TSPAN5: variants seen among roughly 807,000 people sequenced by gnomAD.
TSPAN5 encodes the protein tetraspanin-5.
In TSPAN5, 10 loss-of-function variants were observed where a neutral mutation model predicts 37.1. That is an observed-to-expected ratio of 0.27 (90% CI 0.17 to 0.46). TSPAN5 has a LOEUF of 0.46. Among genes scored for constraint, TSPAN5 ranks in the 20% least tolerant of loss-of-function variants. TSPAN5 has a pLI of 1.00. For missense variants in TSPAN5, 195 were observed against 326.6 expected (o/e 0.60, Z 3.11); for synonymous variants, 110 against 118.9 (o/e 0.93, Z 0.48).
chr4:98,521,489 C>T (rs1455430821), intron 1 of TSPAN5, among the ~76,000 whole-genome samples: 1 of 152,226 alleles, frequency 6.6e-6, no homozygotes, highest in Non-Finnish European at 1.5e-5. Context: ...CCTCTGGTTC[C>T]TGGCATTGCT....
In TSPAN5 at chr4:98,621,205, C is replaced by T. The variant is rs535804793; in HGVS notation, c.81+36941G>A. 2.0e-5 allele frequency among the ~76,000 whole-genome samples: 3 copies of T among 152,120 alleles called. No individual in the cohort carries two copies. The East Asian group carries it at 5.8e-4, about 30-fold the overall frequency. On this transcript the variant is annotated intron_variant, in intron 1 of 7. Transcript: ENST00000305798. ...ACCACTATAAGCTAGGGGAGAGCCA[C>T]GGAGCTGATTCTCCCTACAACCATC...
intron 1 of TSPAN5, chr4:98,509,908 A>G (rs367996675): frequency 2.0e-5 from 3 of 152,216 alleles, no homozygotes; most frequent in African/African-American, 7.2e-5. Context: ...ACCCATTGAC[A>G]TCAAACACAA....
chr4:98,547,925 A>T (rs1364920288), intron 1 of TSPAN5, among the ~76,000 whole-genome samples: 1 of 150,140 alleles, frequency 6.7e-6, no homozygotes, highest in African/African-American at 2.5e-5. Flanking sequence ...GAATCCCTTG[A>T]ACCCTGGAGG....
At chr4:98,618,035 A>G (rs1481581663) in intron 1 of TSPAN5, among the ~76,000 whole-genome samples, 1 of 152,218 alleles carries the variant, frequency 6.6e-6, no homozygotes, top group Non-Finnish European at 1.5e-5. Flanking sequence ...GCTCTTGTAC[A>G]CAACCTTGGA....
intron 1 of TSPAN5, among the ~76,000 whole-genome samples, chr4:98,519,811 A>C (rs1753814021): frequency 6.6e-6 from 1 of 152,214 alleles, no homozygotes. Flanking sequence ...TCTAGAGTCA[A>C]ACTTAGCTTA....
chr4:98,549,019 T>C (rs1754539272), intron 1 of TSPAN5, among the ~76,000 whole-genome samples: 2 of 152,230 alleles, frequency 1.3e-5, no homozygotes, highest in South Asian at 4.1e-4. Flanking sequence ...AACATATGAC[T>C]TGAGGTGTTT....
intron 1 of TSPAN5, among the ~76,000 whole-genome samples, chr4:98,589,090 G>T (rs1330690673): frequency 6.6e-6 from 1 of 152,066 alleles, no homozygotes. Flanking sequence ...CTAATCCAGG[G>T]CTCCTGCTTC....
intron 1 of TSPAN5, among the ~76,000 whole-genome samples, chr4:98,562,363 G>A (rs1053631739): frequency 2.0e-5 from 3 of 152,022 alleles, no homozygotes; most frequent in Non-Finnish European, 4.4e-5. Flanking sequence ...GGAAAGCAGG[G>A]GTAGAAAGAA....
intron 1 of TSPAN5, among the ~76,000 whole-genome samples, chr4:98,603,514 A>T (rs548524033): frequency 6.6e-6 from 1 of 152,316 alleles, no homozygotes; most frequent in South Asian, 2.1e-4. Context: ...ATGGAAGAAA[A>T]ACAAAATCAG....
At chr4:98,475,875 A>G (rs1578930225) in intron 7 of TSPAN5, among the ~76,000 whole-genome samples, 1 of 152,044 alleles carries the variant, frequency 6.6e-6, no homozygotes, top group South Asian at 2.1e-4. Context: ...CTGTAGTCCC[A>G]GCTACTCGGG....
At chr4:98,555,461 C>T (rs1754719767) in intron 1 of TSPAN5, among the ~76,000 whole-genome samples, 1 of 152,134 alleles carries the variant, frequency 6.6e-6, no homozygotes, top group Admixed American at 6.5e-5. Context: ...TTATTCCCCC[C>T]TCATATTACT....
At chr4:98,647,270 G>A (rs1757088499) in intron 1 of TSPAN5, among the ~76,000 whole-genome samples, 1 of 152,102 alleles carries the variant, frequency 6.6e-6, no homozygotes, top group South Asian at 2.1e-4. Flanking sequence ...ACTAACTTTT[G>A]GCATTAAATG....
In TSPAN5 at chr4:98,607,281, A is replaced by T. The variant is rs2110228607; in HGVS notation, c.81+50865T>A. Among the ~76,000 whole-genome samples, 5 of 152,310 alleles carry T rather than the reference A, an allele frequency of 3.3e-5. No individual in the cohort carries two copies. The Middle Eastern group carries it at 0.017, about 518-fold the overall frequency. On this transcript the variant is annotated intron_variant, in intron 1 of 7. Coordinates refer to ENST00000305798, the MANE Select transcript of TSPAN5 (RefSeq NM_005723.4). ...TCATCAAAGAACCACACATCCGGAGATGGGTATCCCACACAATTAGTTTTG... is the reference window on the plus strand; with the variant it reads ...TCATCAAAGAACCACACATCCGGAGTTGGGTATCCCACACAATTAGTTTTG...
chr4:98,600,384 T>C (rs780160805), intron 1 of TSPAN5, among the ~76,000 whole-genome samples: 4 of 152,230 alleles, frequency 2.6e-5, no homozygotes, highest in Non-Finnish European at 5.9e-5. Flanking sequence ...TGCTGTCAGA[T>C]GGCATTTTAC....
chr4:98,558,486 T>A (rs1471516360), intron 1 of TSPAN5, among the ~76,000 whole-genome samples: 1 of 152,184 alleles, frequency 6.6e-6, no homozygotes, highest in Non-Finnish European at 1.5e-5. Flanking sequence ...AAACGGCTTG[T>A]GCACCGCTGC....
At position 98,495,523 on chromosome 4, in the gene TSPAN5, C is replaced by A. The variant is rs1368377389; in HGVS notation, c.133-8639G>T. On this transcript the variant is annotated intron_variant, in intron 2 of 7. Coordinates refer to ENST00000305798, the MANE Select transcript of TSPAN5 (RefSeq NM_005723.4). ...CTACAGCCCGGGAGACAGAGAGAGC[C>A]TCCGTCTCAAAAAAAAAAAAAAAAA... Among the ~76,000 whole-genome samples the A allele has an allele frequency of 4.2e-4, 40 of 94,126 alleles. 1 individual carries two copies. The highest frequency in any genetic ancestry group is 1.7e-3 in the African/African-American group (38 of 21,992). 61.8% of individuals were successfully genotyped at this position (94,126 alleles called of 152,430 possible).
At chr4:98,478,967 A>G (rs551230218) in intron 4 of TSPAN5, among the ~76,000 whole-genome samples, 157 bp from the exon 5 acceptor site, 4 of 152,302 alleles carry the variant, frequency 2.6e-5, no homozygotes, top group Admixed American at 6.5e-5. Context: ...TGGCCCATAT[A>G]AAATCTTCCA....
intron 1 of TSPAN5, among the ~76,000 whole-genome samples, chr4:98,535,641 C>T (rs186959860): frequency 1.1e-3 from 161 of 152,250 alleles, no homozygotes; most frequent in Non-Finnish European, 1.7e-3. Flanking sequence ...CAACTTGGTT[C>T]CATTCTCCTT....
At chr4:98,628,367 A>G (rs764050337) in intron 1 of TSPAN5, among the ~76,000 whole-genome samples, 1 of 152,228 alleles carries the variant, frequency 6.6e-6, no homozygotes, top group Non-Finnish European at 1.5e-5. Context: ...AGCAAGCACA[A>G]GTTTAACATG....
Sources: allele counts gnomAD v4.1 joint callset (sites outside exome capture counted in the v4.1 genomes callset), GRCh38; gene constraint gnomAD v4.1.1; transcripts MANE v1.5; gene names NCBI Gene and HGNC (gene_info 2026-07-23, HGNC 2026-07-21).